RFC3: variants seen among roughly 807,000 people sequenced by gnomAD.
The protein encoded by RFC3 is A1 38 kDa subunit.
A neutral mutation model predicts 45.1 loss-of-function variants in RFC3; 41 were observed. The ratio of observed to expected loss-of-function variants is 0.91; its 90% CI spans 0.71 to 1.18. The LOEUF (loss-of-function observed/expected upper bound fraction) is 1.18. RFC3 is among the 50% of genes most tolerant of loss of function. RFC3 has a pLI of 0.00. For synonymous variants in RFC3, 149 were observed against 144.0 expected (o/e 1.03, Z -0.25); for missense variants, 423 against 428.1 (o/e 0.99, Z 0.10).
intron 8 of RFC3, among the ~76,000 whole-genome samples, chr13:33,851,835 G>T (rs535971444): frequency 6.6e-6 from 1 of 152,116 alleles, no homozygotes; most frequent in Non-Finnish European, 1.5e-5. Context: ...GAATAATCTG[G>T]TCTACAATCT....
Position 33,836,263 on chromosome 13 carries a change from A to G in RFC3, c.1039A>G (p.Met347Val). Residue 347 changes from methionine to valine, a missense_variant, in exon 9 of 9, where the codon ATG becomes GTG. Coordinates refer to ENST00000380071, the MANE Select transcript of RFC3 (RefSeq NM_002915.4). ...AKFMALYKKF[M>V]EDGLEGMMF Reference sequence around the variant, plus strand: ...ATTCATGGCACTTTATAAGAAGTTCATGGAGGATGGATTGGAAGGCATGAT... The same window carrying G: ...ATTCATGGCACTTTATAAGAAGTTCGTGGAGGATGGATTGGAAGGCATGAT... The G allele has an allele frequency of 6.2e-7, 1 of 1,613,294 alleles. No individual in the cohort carries two copies. The highest frequency in any genetic ancestry group is 1.1e-5 in the South Asian group (1 of 91,044).
chr13:33,841,340 A>G (rs1326021368), downstream of RFC3, among the ~76,000 whole-genome samples: 1 of 152,214 alleles, frequency 6.6e-6, no homozygotes, highest in Admixed American at 6.5e-5. Flanking sequence ...TGCTGCCTGA[A>G]TACTTCTGTA....
At chr13:33,924,643 T>C (rs1002201783) in intron 8 of RFC3, among the ~76,000 whole-genome samples, 3 of 149,372 alleles carry the variant, frequency 2.0e-5, no homozygotes, top group Admixed American at 6.7e-5. Context: ...TTTATTGATA[T>C]TATATATCAA....
At chr13:33,919,090 G>A (rs543722597) in intron 8 of RFC3, among the ~76,000 whole-genome samples, 1 of 152,236 alleles carries the variant, frequency 6.6e-6, no homozygotes, top group South Asian at 2.1e-4. Flanking sequence ...GTTCAGATGA[G>A]ATTTCTGGAG....
At chr13:33,961,924 T>C (rs1424521117) in intron 8 of RFC3, among the ~76,000 whole-genome samples, 1 of 152,220 alleles carries the variant, frequency 6.6e-6, no homozygotes, top group Non-Finnish European at 1.5e-5. Flanking sequence ...TGAAATCTTT[T>C]CCTCTGTAAG....
chr13:33,894,974 C>A (rs193089626), intron 8 of RFC3, among the ~76,000 whole-genome samples: 5 of 152,156 alleles, frequency 3.3e-5, no homozygotes, highest in African/African-American at 1.2e-4. Context: ...AACTGGACAC[C>A]TATCTCTCAT....
chr13:33,890,076 A>T (rs112401870), intron 8 of RFC3, among the ~76,000 whole-genome samples: 2 of 152,050 alleles, frequency 1.3e-5, no homozygotes, highest in East Asian at 1.9e-4. Flanking sequence ...GATGATGGAG[A>T]TAATGACTCT....
intron 8 of RFC3, chr13:33,846,198 G>A (rs1322590054): frequency 1.3e-5 from 2 of 152,224 alleles, no homozygotes; most frequent in South Asian, 2.1e-4. Context: ...CACTACCACT[G>A]GGACTGTGCT....
intron 1 of RFC3, among the ~76,000 whole-genome samples, chr13:33,819,820 T>C (rs575640467): frequency 6.6e-6 from 1 of 152,332 alleles, no homozygotes; most frequent in African/African-American, 2.4e-5. Flanking sequence ...CTGTTTACTC[T>C]TTTATTTGCA....
intron 8 of RFC3, among the ~76,000 whole-genome samples, chr13:33,883,980 T>C (rs965681799): frequency 6.6e-6 from 1 of 152,018 alleles, no homozygotes; most frequent in Non-Finnish European, 1.5e-5. Context: ...ATTTCTGGGG[T>C]TTGTCACCAA....
chr13:33,930,972 C>T (rs931390345), intron 8 of RFC3, among the ~76,000 whole-genome samples: 10 of 151,976 alleles, frequency 6.6e-5, no homozygotes, highest in Non-Finnish European at 1.2e-4. Context: ...TACATTCTCT[C>T]CCTTTTTCTT....
intron 8 of RFC3, among the ~76,000 whole-genome samples, chr13:33,900,799 C>A: frequency 6.8e-6 from 1 of 147,624 alleles, no homozygotes; most frequent in Non-Finnish European, 1.5e-5. Context: ...GTATTAATAA[C>A]CAGAATATAG....
At chr13:33,965,443 C>T (rs2083081725) in intron 8 of RFC3, among the ~76,000 whole-genome samples, 1 of 152,136 alleles carries the variant, frequency 6.6e-6, no homozygotes, top group African/African-American at 2.4e-5. Flanking sequence ...ATAAATAGTA[C>T]AGGTGTGTAG....
intron 8 of RFC3, among the ~76,000 whole-genome samples, chr13:33,947,675 T>A (rs2082962879): frequency 6.6e-6 from 1 of 152,170 alleles, no homozygotes; most frequent in Admixed American, 6.5e-5. Context: ...CCTAGAGACT[T>A]GTTGAATGGC....
intron 8 of RFC3, chr13:33,849,589 A>C (rs967939436): frequency 6.6e-6 from 1 of 152,186 alleles, no homozygotes; most frequent in African/African-American, 2.4e-5. Context: ...GCCACTAAAG[A>C]ATATTAGAGT....
intron 1 of RFC3, among the ~76,000 whole-genome samples, chr13:33,819,556 T>C (rs1184241460): frequency 1.3e-5 from 2 of 152,224 alleles, no homozygotes; most frequent in Non-Finnish European, 2.9e-5. Flanking sequence ...TGTTGTGACA[T>C]TGAAGGTTTT....
chr13:33,878,034 G>A (rs984791499), intron 8 of RFC3, among the ~76,000 whole-genome samples: 4 of 151,912 alleles, frequency 2.6e-5, no homozygotes, highest in African/African-American at 9.7e-5. Context: ...TATACCATGA[G>A]TGTAATTCCT....
At position 33,836,414 on chromosome 13, in the gene RFC3, A is replaced by T. The variant is rs1450775831; in HGVS notation, c.*119A>T. 2.8e-5 allele frequency: 42 copies of T among 1,490,708 alleles called. No individual in the cohort carries two copies. The highest frequency in any genetic ancestry group is 3.6e-5 in the Non-Finnish European group (41 of 1,125,380). The allele number at this position is 1,490,708 out of a possible 1,614,324, so 92.3% of individuals were successfully genotyped here. ...CATGTCGTATTTGCGTTTTTTTGGT[A>T]ATAACTTCTCTGTGAACTATTAATC... On this transcript the variant is annotated 3_prime_UTR_variant, in exon 9 of 9. Coordinates refer to ENST00000380071, the MANE Select transcript of RFC3 (RefSeq NM_002915.4).
chr13:33,924,028 C>T (rs2082786147), intron 8 of RFC3, among the ~76,000 whole-genome samples: 6 of 152,054 alleles, frequency 3.9e-5, no homozygotes, highest in Admixed American at 3.9e-4. Flanking sequence ...TCAGCGCTTT[C>T]TTAGACTTCT....
Sources: allele counts gnomAD v4.1 joint callset (sites outside exome capture counted in the v4.1 genomes callset), GRCh38; gene constraint gnomAD v4.1.1; transcripts MANE v1.5; gene names NCBI Gene and HGNC (gene_info 2026-07-23, HGNC 2026-07-21).